The following MORN1 variants were observed in gnomAD, a reference collection of about 807,000 sequenced individuals.
MORN1 encodes MORN repeat-containing protein 1.
Under a neutral mutation model 61.9 loss-of-function variants are expected in MORN1, and 67 were observed. The observed-to-expected ratio is 1.08, with a 90% CI of 0.89 to 1.33. The LOEUF is 1.33. MORN1 is among the 40% of genes most tolerant of loss of function. The pLI is 0.00. For synonymous variants in MORN1, 301 were observed against 292.0 expected (o/e 1.03, Z -0.31); for missense variants, 752 against 691.2 (o/e 1.09, Z -0.99).
intron 10 of MORN1, among the ~76,000 whole-genome samples, chr1:2,354,304 C>T (rs891079514): frequency 6.6e-6 from 1 of 152,162 alleles, no homozygotes; most frequent in Admixed American, 6.5e-5. Context: ...GTAAAAGCAG[C>T]CTGTAATCCC....
rs993903099 is a variant in MORN1 at position 2,323,028 on chromosome 1, G to A, written c.1297+1069C>T. ...GATCTCCCTTCGCTCCTCACCCCCA[G>A]GGCTGTCTCCGCCGAGCACATAAAC... On this transcript the variant is annotated intron_variant, in intron 13 of 13. Transcript: ENST00000378531. The A allele has an allele frequency of 5.1e-6, 5 of 985,342 alleles. No individual in the cohort carries two copies. The African/African-American group carries it at 8.7e-5, about 17-fold the overall frequency. 61.0% of individuals were successfully genotyped at this position (985,342 alleles called of 1,614,324 possible).
In MORN1 at chr1:2,327,173, C is replaced by CACACAG. The variant is rs1177565600; in HGVS notation, c.1251-3031_1251-3030insCTGTGT. Reference sequence around the variant, plus strand: ...AGAAACAGAAACACACAGACAGAAACAAACACAGAGACACAGAGACACAGA... The same window carrying CACACAG: ...AGAAACAGAAACACACAGACAGAAACACACAGAAACACAGAGACACAGAGACACAGA... On this transcript the variant is annotated intron_variant, in intron 12 of 13. Coordinates refer to ENST00000378531, the MANE Select transcript of MORN1 (RefSeq NM_024848.3). 4.3e-3 allele frequency among the ~76,000 whole-genome samples: 580 copies of CACACAG among 134,252 alleles called. 41 individuals are homozygous for CACACAG. The highest frequency in any genetic ancestry group is 0.016 in the African/African-American group (541 of 33,748). The allele number at this position is 134,252 out of a possible 152,430, so 88.1% of individuals were successfully genotyped here. A position where few individuals can be genotyped will look rare whatever the true frequency, so the allele number is the denominator to read the frequency against.
Position 2,334,916 on chromosome 1 carries a change from G to C in MORN1, c.1250+1553C>G, listed in dbSNP as rs1641233655. Among the ~76,000 whole-genome samples the C allele has an allele frequency of 6.6e-6, 1 of 152,208 alleles. No individual in the cohort carries two copies. ...TGGAGCGAAGTGGAGGTGCCGCCCT[G>C]GGCGTTCGGGTCTGTGTGAGTCTGT... is the stretch of plus-strand genomic sequence containing the variant. On this transcript the variant is annotated intron_variant, in intron 12 of 13. Coordinates refer to ENST00000378531, the MANE Select transcript of MORN1 (RefSeq NM_024848.3). The surrounding 1 kb of genome is among the most constrained non-coding windows in gnomAD (Gnocchi z 5.4).
rs566297932 is a variant in MORN1 at position 2,385,131 on chromosome 1, C to G, written c.450-66G>C. 1.5e-5 allele frequency: 22 copies of G among 1,488,562 alleles called. No homozygotes were observed. In the Admixed American group the frequency reaches 3.7e-4, roughly 25 times the overall value. The allele number at this position is 1,488,562 out of a possible 1,614,324, so 92.2% of individuals were successfully genotyped here. ...GCCGGGTGGTGGCAGTGACTCAGACCGGCTCCTCCCACCGGGCTCCGCAGG... is the reference window on the plus strand; with the variant it reads ...GCCGGGTGGTGGCAGTGACTCAGACGGGCTCCTCCCACCGGGCTCCGCAGG... On this transcript the variant is annotated intron_variant, in intron 5 of 13. Coordinates refer to ENST00000378531, the MANE Select transcript of MORN1 (RefSeq NM_024848.3).
At chr1:2,340,806 C>T (rs1025767077) in intron 10 of MORN1, among the ~76,000 whole-genome samples, 6 of 152,020 alleles carry the variant, frequency 3.9e-5, no homozygotes, top group South Asian at 2.1e-4. Flanking sequence ...CGATGAGGGC[C>T]GCCATACAGG....
chr1:2,325,648 T>G (rs943197766), intron 12 of MORN1, among the ~76,000 whole-genome samples: 1 of 149,440 alleles, frequency 6.7e-6, no homozygotes, highest in Middle Eastern at 3.2e-3. Context: ...GTTGATTTTT[T>G]TTTTTTTTTT....
intron 11 of MORN1, 33 bp from the exon 12 acceptor site, chr1:2,336,581 A>G: frequency 3.1e-6 from 5 of 1,610,658 alleles, no homozygotes; most frequent in Non-Finnish European, 4.2e-6. Flanking sequence ...GGGGAGAAGG[A>G]AAGGCTCAGA....
chr1:2,322,649 A>G, intron 13 of MORN1: 2 of 985,412 alleles, frequency 2.0e-6, no homozygotes, highest in Non-Finnish European at 2.4e-6. Flanking sequence ...CACCGGGGAC[A>G]GCCTCCCTGG....
chr1:2,344,160 G>A (rs371897827), intron 10 of MORN1, among the ~76,000 whole-genome samples: 17 of 152,224 alleles, frequency 1.1e-4, no homozygotes, highest in African/African-American at 1.7e-4. Context: ...CCACAGCCAC[G>A]GCTGAGGAGG....
intron 10 of MORN1, among the ~76,000 whole-genome samples, chr1:2,356,083 A>G (rs1641761672): frequency 6.6e-6 from 1 of 152,126 alleles, no homozygotes; most frequent in African/African-American, 2.4e-5. Flanking sequence ...GGGGATTGTG[A>G]GGACTCAGGG....
chr1:2,333,167 C>T (rs1158609315), intron 12 of MORN1, among the ~76,000 whole-genome samples: 1 of 152,230 alleles, frequency 6.6e-6, no homozygotes, highest in Admixed American at 6.5e-5. Context: ...CAGTGAGCAT[C>T]GGGCTCCCGC....
At position 2,389,910 on chromosome 1, in the gene MORN1, A is replaced by G; in HGVS notation, c.148+15T>C. Reference sequence around the variant, plus strand: ...GGGGCAGCAGCTGCAAGAAGAGACCACAGATGCTTCTCACCGTGCTTCCTC... The same window carrying G: ...GGGGCAGCAGCTGCAAGAAGAGACCGCAGATGCTTCTCACCGTGCTTCCTC... On this transcript the variant is annotated intron_variant, in intron 2 of 13. Transcript: ENST00000378531. 4 of 1,612,940 alleles carry G rather than the reference A, an allele frequency of 2.5e-6. No individual in the cohort carries two copies. Among genetic ancestry groups the G allele is most frequent in the Non-Finnish European group, 3.4e-6 (4 of 1,178,928 alleles).
chr1:2,334,792 C>T lies in MORN1; in HGVS notation c.1250+1677G>A, dbSNP rs74351101. Among the ~76,000 whole-genome samples the T allele has an allele frequency of 0.043, 6,594 of 152,342 alleles. 255 individuals are homozygous for T. Among genetic ancestry groups the T allele is most frequent in the African/African-American group, 0.094 (3,923 of 41,570 alleles). ...GGAGGCCCAGGCTGGGAGCAGACGC[C>T]GACCCCTCCGTTCTCTCAGGTGGAA... is the stretch of plus-strand genomic sequence containing the variant. On this transcript the variant is annotated intron_variant, in intron 12 of 13. Transcript: ENST00000378531. This position sits in a 1 kb window ranked among gnomAD's most constrained non-coding sequence, Gnocchi z 5.4.
At chr1:2,368,674 C>T (rs958395761) in intron 8 of MORN1, among the ~76,000 whole-genome samples, 25 of 152,106 alleles carry the variant, frequency 1.6e-4, no homozygotes, top group Admixed American at 1.3e-3. Flanking sequence ...CCATAGCACA[C>T]AAAAAGATGC....
intron 10 of MORN1, chr1:2,355,343 C>A (rs537098654): frequency 5.3e-6 from 8 of 1,518,516 alleles, no homozygotes; most frequent in African/African-American, 1.4e-5. Flanking sequence ...GGCGCCGGGC[C>A]CTGCTGCCCC....
chr1:2,385,002 G>A lies in MORN1; in HGVS notation c.513C>T (p.Arg171=), dbSNP rs781016355. 5.2e-5 allele frequency: 83 copies of A among 1,593,084 alleles called. No homozygotes were observed. The highest frequency in any genetic ancestry group is 6.7e-5 in the Non-Finnish European group (79 of 1,171,456). ...CCTTGTAGGTGGAGCCGTCGGCGCA[G>A]CGCAGCACCCCGTGTCCCTGACGCC... ...RDRRQGHGVL[R]CADGSTYKGQ... Residue 171 remains arginine, a synonymous_variant, in exon 6 of 14, where the codon CGC becomes CGT. Transcript: ENST00000378531.
intron 10 of MORN1, among the ~76,000 whole-genome samples, chr1:2,353,522 C>G (rs1163325713): frequency 6.6e-6 from 1 of 152,244 alleles, no homozygotes; most frequent in Non-Finnish European, 1.5e-5. Context: ...GAGCTGTGTT[C>G]CTGACAGTGA....
intron 10 of MORN1, among the ~76,000 whole-genome samples, chr1:2,353,412 T>A (rs936002996): frequency 3.3e-5 from 5 of 152,206 alleles, no homozygotes; most frequent in African/African-American, 1.2e-4. Flanking sequence ...TGTCTGGAAC[T>A]GGCCCACCCT....
At chr1:2,341,785 GAC>G (rs1168889176) in intron 10 of MORN1, among the ~76,000 whole-genome samples, 3 of 152,208 alleles carry the variant, frequency 2.0e-5, no homozygotes, top group Admixed American at 6.5e-5. Context: ...GAGGTGCAGA[GAC>G]ACCTTCGGAC....
Sources: allele counts gnomAD v4.1 joint callset (sites outside exome capture counted in the v4.1 genomes callset), GRCh38; gene constraint gnomAD v4.1.1; non-coding constraint Gnocchi (gnomAD v3.1); transcripts MANE v1.5; gene names NCBI Gene and HGNC (gene_info 2026-07-23, HGNC 2026-07-21).